Variants in RUVBL2 observed in about 807,000 individuals in gnomAD.
The protein encoded by RUVBL2 is RuvB like AAA ATPase 2.
Under a neutral mutation model 57.9 loss-of-function variants are expected in RUVBL2, and 9 were observed. The ratio of observed to expected loss-of-function variants is 0.16; its 90% confidence interval spans 0.09 to 0.27. The LOEUF is 0.27. Ranked by LOEUF, RUVBL2 falls within the 10% of genes least tolerant of loss-of-function variation. The pLI, the probability that RUVBL2 is intolerant of heterozygous loss-of-function variation, is 1.00. For synonymous variants in RUVBL2, 278 were observed against 264.6 expected (o/e 1.05, Z -0.49); for missense variants, 456 against 669.6 (o/e 0.68, Z 3.52).
chr19:49,004,507 C>A, intron 4 of RUVBL2, 89 bp downstream of exon 4: 1 of 1,311,738 alleles, frequency 7.6e-7, no homozygotes, highest in Non-Finnish European at 1.1e-6. Context: ...CCGCCTTTAA[C>A]AGATGACCCA....
chr19:48,993,819 A>G, upstream of RUVBL2: 1 of 1,492,458 alleles, frequency 6.7e-7, no homozygotes, highest in African/African-American at 1.4e-5. Context: ...AACCATCGAG[A>G]TCTTTGAAGA....
intron 11 of RUVBL2, among the ~76,000 whole-genome samples, chr19:49,013,907 C>T (rs369879692): frequency 5.9e-5 from 9 of 152,246 alleles, no homozygotes; most frequent in South Asian, 2.1e-4. Flanking sequence ...AGCGAGACTC[C>T]GTCTCAAAAA....
intron 3 of RUVBL2, among the ~76,000 whole-genome samples, chr19:49,003,745 C>T (rs1212158738): frequency 1.3e-5 from 2 of 151,162 alleles, no homozygotes; most frequent in Non-Finnish European, 2.9e-5. Flanking sequence ...GATTGTGCCA[C>T]TGCCCTCCAG....
intron 11 of RUVBL2, 51 bp from the exon 12 acceptor site, chr19:49,014,433 A>G: frequency 1.9e-6 from 3 of 1,589,592 alleles, no homozygotes; most frequent in Non-Finnish European, 2.6e-6. Context: ...AGCAAAGGGA[A>G]TGAAGAGGGA....
Position 49,007,043 on chromosome 19 carries a change from C to A in RUVBL2, c.291C>A (p.Asp97Glu), listed in dbSNP as rs750397852. The stretch of plus-strand genomic sequence containing the variant: ...GCATGGCGCAGGCCCTGGGCCCTGA[C>A]ACGCCATTCACAGCCATCGCCGGCA... Reference protein sequence around the residue: ...AMGMAQALGPDTPFTAIAGSE... With the variant: ...AMGMAQALGPETPFTAIAGSE... Residue 97 changes from aspartate (D) to glutamate (E), a missense_variant, in exon 5 of 15, where the codon GAC (aspartate) becomes GAA (glutamate). Transcript: ENST00000595090. 2 of 1,613,124 alleles carry A rather than the reference C, an allele frequency of 1.2e-6. No individual in the cohort carries two copies. Among genetic ancestry groups the A allele is most frequent in the Admixed American group, 1.7e-5 (1 of 60,032 alleles).
In RUVBL2 at chr19:49,011,663, C is replaced by T. The variant is rs889803609; in HGVS notation, c.1001+353C>T. Reference sequence around the variant, plus strand: ...CATCTGTTAGACATAACATAAACTACGATTGTTCAGTCACTTCGACCCAGC... The same window carrying T: ...CATCTGTTAGACATAACATAAACTATGATTGTTCAGTCACTTCGACCCAGC... On this transcript the variant is annotated intron_variant, in intron 11 of 14. Coordinates refer to ENST00000595090, the MANE Select transcript of RUVBL2 (RefSeq NM_006666.3). The surrounding 1 kb of genome is among the most constrained non-coding windows in gnomAD (Gnocchi z 4.4). Among the ~76,000 whole-genome samples, 2 of 152,208 alleles carry T rather than the reference C, an allele frequency of 1.3e-5. No homozygotes were observed. Among genetic ancestry groups the T allele is most frequent in the Admixed American group, 6.5e-5 (1 of 15,278 alleles).
intron 4 of RUVBL2, among the ~76,000 whole-genome samples, chr19:49,005,830 T>C (rs557545805): frequency 7.0e-4 from 106 of 152,298 alleles, no homozygotes; most frequent in African/African-American, 2.4e-3. Context: ...GAAATGGGAT[T>C]TCACCATGTT....
intron 4 of RUVBL2, among the ~76,000 whole-genome samples, chr19:49,005,525 G>GT (rs1384428000): frequency 6.6e-6 from 1 of 152,204 alleles, no homozygotes; most frequent in Non-Finnish European, 1.5e-5. Flanking sequence ...GCTAAGCCTA[G>GT]TAGGATGGCC....
At chr19:49,010,741 G>A (rs2122640550) in intron 9 of RUVBL2, 130 bp downstream of exon 9, 1 of 1,359,502 alleles carries the variant, frequency 7.4e-7, no homozygotes, top group Non-Finnish European at 1.0e-6. Context: ...TCCGGCCCGT[G>A]GCTGCCTCTG....
At chr19:49,000,448 G>A (rs1036293816) in intron 2 of RUVBL2, among the ~76,000 whole-genome samples, 40 of 152,180 alleles carry the variant, frequency 2.6e-4, no homozygotes, top group African/African-American at 7.2e-4. Context: ...CCAGCTACTC[G>A]GGAGGCTGAG....
At position 49,014,186 on chromosome 19, in the gene RUVBL2, C is replaced by T. The variant is rs147958277; in HGVS notation, c.1002-298C>T. Among the ~76,000 whole-genome samples, 698 of 152,332 alleles carry T rather than the reference C, an allele frequency of 4.6e-3. 6 individuals are homozygous for T. Among genetic ancestry groups the T allele is most frequent in the African/African-American group, 0.016 (678 of 41,568 alleles). ...CAGGGAACAAGACAGGTGCAGTCCC[C>T]TCCTTTGTGAAGCTTTGTGTCGAGC... On this transcript the variant is annotated intron_variant, in intron 11 of 14. Coordinates refer to ENST00000595090, the MANE Select transcript of RUVBL2 (RefSeq NM_006666.3).
chr19:48,995,166 G>C (rs1452490018), intron 1 of RUVBL2, among the ~76,000 whole-genome samples: 1 of 151,808 alleles, frequency 6.6e-6, no homozygotes, highest in Non-Finnish European at 1.5e-5. Flanking sequence ...ATGAGGGGAC[G>C]GTGTGTGCTG....
At chr19:49,003,170 A>AAAACC in intron 2 of RUVBL2, 109 bp from the exon 3 acceptor site, 3 of 712,410 alleles carry the variant, frequency 4.2e-6, no homozygotes, top group East Asian at 3.5e-5. Context: ...CCTGCTCCCT[A>AAAACC]CTCCCACCCA....
chr19:49,014,987 CG>C, intron 12 of RUVBL2, 33 bp from the exon 13 acceptor site: 1 of 1,571,064 alleles, frequency 6.4e-7, no homozygotes, highest in South Asian at 1.2e-5. Flanking sequence ...GGCTGGGCCC[CG>C]GCTGAGCCAC....
chr19:49,010,132 C>A, intron 8 of RUVBL2, 66 bp downstream of exon 8: 2 of 1,400,458 alleles, frequency 1.4e-6, no homozygotes, highest in African/African-American at 1.4e-5. Context: ...CCTCCATCAC[C>A]CCCTTGACCC....
intron 11 of RUVBL2, among the ~76,000 whole-genome samples, chr19:49,012,678 G>T (rs904164990): frequency 1.3e-5 from 2 of 152,228 alleles, no homozygotes; most frequent in African/African-American, 4.8e-5. Context: ...TGTGAACGAG[G>T]CAACACTGCC....
rs1215511167 is a variant in RUVBL2, at chr19:49,009,814, G to A, written c.501G>A (p.Glu167=). 1.9e-6 allele frequency: 3 copies of A among 1,614,104 alleles called. No homozygotes were observed. Among genetic ancestry groups the A allele is most frequent in the Admixed American group, 1.7e-5 (1 of 60,016 alleles). Residue 167 remains glutamate, a synonymous_variant, in exon 7 of 15, where the codon GAG becomes GAA. Coordinates refer to ENST00000595090, the MANE Select transcript of RUVBL2 (RefSeq NM_006666.3). The part of the protein sequence containing the change: ...KVGKLTLKTT[E]METIYDLGTK... ...GCAAACTGACCCTCAAGACCACAGA[G>A]ATGGAGACCATCTACGACCTGGGCA...
At chr19:49,010,923 C>A in intron 9 of RUVBL2, 76 bp from the exon 10 acceptor site, 1 of 1,304,778 alleles carries the variant, frequency 7.7e-7, no homozygotes, top group Non-Finnish European at 1.1e-6. Context: ...CATCATCCTT[C>A]TCTGTCTTAG....
In RUVBL2 at chr19:49,010,470, C is replaced by CA; in HGVS notation, c.664-18_664-17insA. ...CCTGCCCTGTCTCCGCCGTTCTTCC[C>CA]CCACCCCCGCCCCATAGACCAAGTT... On this transcript the variant is annotated splice_polypyrimidine_tract_variant and intron_variant, in intron 8 of 14. Coordinates refer to ENST00000595090, the MANE Select transcript of RUVBL2 (RefSeq NM_006666.3). 1 of 1,211,172 alleles carries CA rather than the reference C, an allele frequency of 8.3e-7. No individual in the cohort carries two copies. 75.0% of individuals were successfully genotyped at this position (1,211,172 alleles called of 1,614,324 possible).
Sources: allele counts gnomAD v4.1 joint callset (sites outside exome capture counted in the v4.1 genomes callset), GRCh38; gene constraint gnomAD v4.1.1; non-coding constraint Gnocchi (gnomAD v3.1); transcripts MANE v1.5; gene names NCBI Gene and HGNC (gene_info 2026-07-23, HGNC 2026-07-21).